CHFR: variants seen among roughly 807,000 people sequenced by gnomAD.
CHFR encodes the protein checkpoint with forkhead and ring finger domains.
CHFR carries 57 observed loss-of-function variants against 87.6 expected under a neutral mutation model. The observed-to-expected ratio is 0.65, with a 90% CI of 0.53 to 0.81. The LOEUF is 0.81. CHFR is among the 30% of genes least tolerant of loss of function. The pLI, the probability that CHFR is intolerant of heterozygous loss-of-function variation, is 0.00. For missense variants in CHFR, 797 were observed against 865.8 expected (o/e 0.92, Z 1.00); for synonymous variants, 381 against 359.2 (o/e 1.06, Z -0.69).
At position 132,872,397 on chromosome 12, in the gene CHFR, G is replaced by C; in HGVS notation, c.234-3C>G. On this transcript the variant is annotated splice_polypyrimidine_tract_variant and splice_region_variant and intron_variant, in intron 3 of 17. Coordinates refer to ENST00000450056, the MANE Select transcript of CHFR (RefSeq NM_001161346.2). ...TGTTAATCACTGTTCCACTGGTGCT[G>C]TAAAAAAACAAAAACACAATTTATT... 1.2e-6 allele frequency: 2 copies of C among 1,601,562 alleles called. No homozygotes were observed. The highest frequency in any genetic ancestry group is 1.7e-6 in the Non-Finnish European group (2 of 1,170,224).
At chr12:132,862,605 T>G (rs2136986992) in intron 6 of CHFR, among the ~76,000 whole-genome samples, 1 of 152,224 alleles carries the variant, frequency 6.6e-6, no homozygotes, top group Non-Finnish European at 1.5e-5. Flanking sequence ...TCATTTTTTT[T>G]TTTGAGACGG....
chr12:132,874,956 G>A (rs1175035040), intron 3 of CHFR, among the ~76,000 whole-genome samples: 1 of 149,804 alleles, frequency 6.7e-6, no homozygotes, highest in Non-Finnish European at 1.5e-5. Flanking sequence ...CACCCAGCAC[G>A]GGGAAGCCAG....
intron 5 of CHFR, 136 bp from the exon 6 acceptor site, chr12:132,869,934 C>A (rs574904028): frequency 3.0e-6 from 3 of 1,005,340 alleles, no homozygotes; most frequent in African/African-American, 1.6e-5. Context: ...CAAGGCCAGG[C>A]ACGGTGGTGC....
chr12:132,860,931 T>G (rs768263118), intron 7 of CHFR, among the ~76,000 whole-genome samples: 20 of 152,166 alleles, frequency 1.3e-4, no homozygotes, highest in Non-Finnish European at 2.9e-4. Context: ...TTTTGCATTT[T>G]TAGTAGAGAC....
At chr12:132,859,285 G>T in intron 7 of CHFR, 58 bp from the exon 8 acceptor site, 2 of 1,519,942 alleles carry the variant, frequency 1.3e-6, no homozygotes, top group Non-Finnish European at 9.0e-7. Flanking sequence ...CGCAGGTTCA[G>T]GTCAAGGTCC....
chr12:132,868,814 G>A (rs1313398160), intron 6 of CHFR, among the ~76,000 whole-genome samples: 5 of 143,452 alleles, frequency 3.5e-5, no homozygotes, highest in Non-Finnish European at 4.6e-5. Flanking sequence ...TGATGGGGCC[G>A]AGGGGAAGGG....
chr12:132,880,359 T>C (rs1362415244), intron 2 of CHFR, among the ~76,000 whole-genome samples: 1 of 152,036 alleles, frequency 6.6e-6, no homozygotes, highest in Non-Finnish European at 1.5e-5. Context: ...CTGAGGTTTG[T>C]CAAAAGTAAA....
At chr12:132,882,160 G>C (rs1951784504) in intron 2 of CHFR, among the ~76,000 whole-genome samples, 1 of 152,222 alleles carries the variant, frequency 6.6e-6, no homozygotes. Context: ...TCCACTGGTT[G>C]TAAACTAACA....
rs1950652095 is a variant in CHFR at position 132,836,938 on chromosome 12, G to GA, written c.*4615dup. On this transcript the variant is annotated 3_prime_UTR_variant, in exon 18 of 18. Transcript: ENST00000450056. Reference sequence around the variant, plus strand: ...CCCTGCTCTATTTTTTTGAGAGGGGGAGACAAACGGTAAACAGATGTTTCC... The same window carrying GA: ...CCCTGCTCTATTTTTTTGAGAGGGGGAAGACAAACGGTAAACAGATGTTTCC... The GA allele has an allele frequency of 2.7e-6, 1 of 369,022 alleles. No homozygotes were observed. The highest frequency in any genetic ancestry group is 2.1e-5 in the African/African-American group (1 of 47,042). 22.9% of individuals were successfully genotyped at this position (369,022 alleles called of 1,614,324 possible). A position where few individuals can be genotyped will look rare whatever the true frequency, so the allele number is the denominator to read the frequency against.
intron 11 of CHFR, among the ~76,000 whole-genome samples, chr12:132,852,045 G>A (rs1950959305): frequency 6.6e-6 from 1 of 151,780 alleles, no homozygotes; most frequent in African/African-American, 2.4e-5. Context: ...CTGCAGTGGC[G>A]TGATCTCGGC....
chr12:132,884,189 C>A (rs992808787), intron 2 of CHFR, among the ~76,000 whole-genome samples: 2 of 151,390 alleles, frequency 1.3e-5, no homozygotes, highest in Non-Finnish European at 2.9e-5. Context: ...GAAGCCGAGG[C>A]GGGTGGATCA....
At chr12:132,885,606 C>T (rs1951871494) in intron 2 of CHFR, among the ~76,000 whole-genome samples, 1 of 152,088 alleles carries the variant, frequency 6.6e-6, no homozygotes, top group Admixed American at 6.6e-5. Context: ...GACATATTTT[C>T]TCTCCTTGTC....
At chr12:132,861,828 T>A (rs2136983681) in intron 6 of CHFR, 194 bp from the exon 7 acceptor site, 1 of 566,322 alleles carries the variant, frequency 1.8e-6, no homozygotes. Context: ...TATCTCTACG[T>A]GGGGTGGAGC....
chr12:132,870,657 C>G, intron 5 of CHFR, 67 bp downstream of exon 5: 1 of 1,181,522 alleles, frequency 8.5e-7, no homozygotes, highest in Non-Finnish European at 1.3e-6. Context: ...GAGACTCCAT[C>G]TCAAAACACA....
intron 8 of CHFR, 30 bp from the exon 9 acceptor site, chr12:132,857,589 C>T (rs1269039908): frequency 2.2e-5 from 36 of 1,607,154 alleles, no homozygotes; most frequent in Non-Finnish European, 2.9e-5. Context: ...AGTGTCCAGA[C>T]AGTCCCACAG....
Position 132,887,212 on chromosome 12 carries a change from G to A in CHFR, c.117C>T (p.Thr39=), listed in dbSNP as rs1269637112. The A allele has an allele frequency of 4.0e-6, 6 of 1,498,986 alleles. 1 individual carries two copies. Among genetic ancestry groups the A allele is most frequent in the Admixed American group, 4.3e-5 (2 of 46,348 alleles). The allele number at this position is 1,498,986 out of a possible 1,614,324, so 92.9% of individuals were successfully genotyped here. ...PHVLLRKREW[T]IGRRRGCDLS... ...GCCCCGCACCTCGTCTCCGCCCGAT[G>A]GTCCACTCCCGCTTCCTCAGGAGGA... Residue 39 remains threonine, a synonymous_variant, in exon 2 of 18, where the codon ACC becomes ACT. Transcript: ENST00000450056.
intron 15 of CHFR, 56 bp downstream of exon 15, chr12:132,846,987 G>T: frequency 1.5e-6 from 2 of 1,299,470 alleles, no homozygotes; most frequent in Non-Finnish European, 2.2e-6. Context: ...AGACACGCAG[G>T]CACAGCCCTG....
intron 12 of CHFR, among the ~76,000 whole-genome samples, chr12:132,850,966 T>C (rs1264434147): frequency 2.7e-4 from 1 of 3,722 alleles, no homozygotes; most frequent in Non-Finnish European, 1.4e-3. Flanking sequence ...TGTGTGTGCA[T>C]ATATATATAT....
intron 2 of CHFR, among the ~76,000 whole-genome samples, chr12:132,882,270 G>A (rs868361678): frequency 2.0e-5 from 3 of 152,164 alleles, no homozygotes; most frequent in African/African-American, 4.8e-5. Context: ...GAAGCCAGGC[G>A]CAGAAGATGA....
Sources: gnomAD v4.1 joint callset for allele counts (sites outside exome capture counted in the v4.1 genomes callset) on GRCh38, gnomAD v4.1.1 for gene constraint, MANE v1.5 for transcripts, NCBI Gene and HGNC (gene_info 2026-07-23, HGNC 2026-07-21) for gene names.